Variants in MID1 observed in about 807,000 individuals in gnomAD.
MID1 encodes E3 ubiquitin-protein ligase Midline-1.
A neutral mutation model predicts 40.4 loss-of-function variants in MID1; 7 were observed. That is an observed-to-expected ratio of 0.17 (90% confidence interval 0.10 to 0.33). The LOEUF (loss-of-function observed/expected upper bound fraction) is 0.33, where lower values mean the gene tolerates loss of function less well. Among genes scored for constraint, MID1 ranks in the 10% least tolerant of loss-of-function variants. MID1 has a pLI of 1.00. For missense variants in MID1, 367 were observed against 558.5 expected (o/e 0.66, Z 3.46); for synonymous variants, 229 against 221.2 (o/e 1.04, Z -0.31).
intron 1 of MID1, among the ~76,000 whole-genome samples, chrX:10,609,406 C>G (rs1425424886): frequency 9.0e-6 from 1 of 111,726 alleles, no homozygotes; most frequent in Non-Finnish European, 1.9e-5. Flanking sequence ...GTAACCAATA[C>G]TCTGTTAAGT....
intron 1 of MID1, among the ~76,000 whole-genome samples, chrX:10,754,278 T>C (rs56980204): frequency 0.051 from 5,607 of 110,040 alleles, 450 homozygotes; most frequent in African/African-American, 0.18. Context: ...ATTGTCTTAT[T>C]AGAAAAGAAT....
At chrX:10,824,858 A>T (rs751360712) in intron 1 of MID1, among the ~76,000 whole-genome samples, 11 of 111,016 alleles carry the variant, frequency 9.9e-5, no homozygotes, top group African/African-American at 3.6e-4. Flanking sequence ...GCATACAGTA[A>T]AATCTTAAAT....
chrX:10,692,571 C>A (rs2043138289), intron 1 of MID1, among the ~76,000 whole-genome samples: 1 of 110,029 alleles, frequency 9.1e-6, no homozygotes, highest in South Asian at 4.0e-4. Flanking sequence ...GAGCTGAGAC[C>A]ATGCCATTGA....
intron 1 of MID1, among the ~76,000 whole-genome samples, chrX:10,636,624 G>C (rs1172612524): frequency 1.9e-5 from 2 of 106,957 alleles, no homozygotes; most frequent in Non-Finnish European, 3.8e-5. Flanking sequence ...CACTCTCCAC[G>C]GTCTTAAGAT....
intron 2 of MID1, among the ~76,000 whole-genome samples, chrX:10,545,019 T>A (rs1933627848): frequency 9.0e-6 from 1 of 111,020 alleles, no homozygotes; most frequent in Non-Finnish European, 1.9e-5. Flanking sequence ...TGCAGTGGTG[T>A]GATCTCGGCT....
chrX:10,728,946 C>A (rs2043420740), intron 1 of MID1, among the ~76,000 whole-genome samples: 1 of 111,933 alleles, frequency 8.9e-6, no homozygotes, highest in Admixed American at 9.5e-5. Context: ...TCAGCAATAA[C>A]TGGGCTATTA....
chrX:10,636,608 G>A (rs766113731), intron 1 of MID1, among the ~76,000 whole-genome samples: 53 of 107,481 alleles, frequency 4.9e-4, no homozygotes, highest in Non-Finnish European at 8.6e-4. Flanking sequence ...GTGTTCTCTT[G>A]ACCTCCACTC....
chrX:10,459,213 T>C (rs1014685374), intron 8 of MID1, among the ~76,000 whole-genome samples: 3 of 111,398 alleles, frequency 2.7e-5, no homozygotes, highest in Non-Finnish European at 5.7e-5. Flanking sequence ...TGTCCCTGAT[T>C]GAGAACCACA....
chrX:10,526,028 A>G (rs2147375036), intron 2 of MID1, among the ~76,000 whole-genome samples: 1 of 112,246 alleles, frequency 8.9e-6, no homozygotes, highest in East Asian at 2.8e-4. Flanking sequence ...TACATTTTAA[A>G]ATATTTTATC....
intron 4 of MID1, among the ~76,000 whole-genome samples, chrX:10,494,771 CAAAAAAA>C (rs58092232): frequency 1.6e-4 from 5 of 31,982 alleles, no homozygotes; most frequent in African/African-American, 4.1e-4. Context: ...AAGACTGTCT[CAAAAAAA>C]AAAAAAAAAA....
chrX:10,450,523 TTA>T (rs1249370663), intron 9 of MID1, among the ~76,000 whole-genome samples: 1 of 112,611 alleles, frequency 8.9e-6, no homozygotes, highest in Non-Finnish European at 1.9e-5. Flanking sequence ...TATTTTATTA[TTA>T]TTGCCTGATG....
chrX:10,544,449 A>T (rs1933604872), intron 2 of MID1, among the ~76,000 whole-genome samples: 1 of 112,330 alleles, frequency 8.9e-6, no homozygotes, highest in Non-Finnish European at 1.9e-5. Flanking sequence ...GAGGAGGGGA[A>T]AAAAAAGCAT....
intron 1 of MID1, among the ~76,000 whole-genome samples, chrX:10,633,616 T>C (rs1459781410): frequency 1.8e-5 from 2 of 110,676 alleles, no homozygotes; most frequent in Non-Finnish European, 3.8e-5. Flanking sequence ...CATGCCTGGC[T>C]AATTTTTAAA....
chrX:10,562,323 C>T (rs1313878916), intron 2 of MID1, among the ~76,000 whole-genome samples: 2 of 89,293 alleles, frequency 2.2e-5, no homozygotes, highest in African/African-American at 9.8e-5. Flanking sequence ...CATCATGGCA[C>T]ATGTATACTT....
intron 1 of MID1, among the ~76,000 whole-genome samples, chrX:10,651,151 A>G (rs1288413245): frequency 8.9e-6 from 1 of 111,814 alleles, no homozygotes; most frequent in Non-Finnish European, 1.9e-5. Context: ...AGGACCTCAG[A>G]GTCCTCCCCA....
At chrX:10,701,560 G>A (rs2043194178) in intron 1 of MID1, among the ~76,000 whole-genome samples, 1 of 112,302 alleles carries the variant, frequency 8.9e-6, no homozygotes, top group African/African-American at 3.2e-5. Context: ...AAAGAAGAAG[G>A]TGGAATTAGA....
chrX:10,567,590 A>G lies in MID1; in HGVS notation c.-43T>C. ...TTGTGTCATCAGCAAAACCCAAGGA[A>G]GCTGATCAGCTATCTGGAAACAAGA... On this transcript the variant is annotated 5_prime_UTR_variant, in exon 2 of 10. Transcript: ENST00000317552. The G allele has an allele frequency of 8.4e-7, 1 of 1,192,298 alleles. No individual in the cohort carries two copies. The highest frequency in any genetic ancestry group is 1.1e-6 in the Non-Finnish European group (1 of 878,042).
chrX:10,652,475 T>C (rs983837388), intron 1 of MID1, among the ~76,000 whole-genome samples: 8 of 112,070 alleles, frequency 7.1e-5, no homozygotes, highest in Non-Finnish European at 1.1e-4. Context: ...CATCTTTTGA[T>C]TGCATTACTG....
intron 1 of MID1, among the ~76,000 whole-genome samples, chrX:10,607,542 C>T (rs1935647801): frequency 8.9e-6 from 1 of 112,161 alleles, no homozygotes; most frequent in African/African-American, 3.2e-5. Context: ...GATTGACGCC[C>T]ACAGAGCCAG....
Sources: gnomAD v4.1 joint callset for allele counts (sites outside exome capture counted in the v4.1 genomes callset) on GRCh38, gnomAD v4.1.1 for gene constraint, MANE v1.5 for transcripts, NCBI Gene and HGNC (gene_info 2026-07-23, HGNC 2026-07-21) for gene names.